SPAG16: variants seen among roughly 807,000 people sequenced by gnomAD.
SPAG16 encodes sperm-associated antigen 16 protein.
A neutral mutation model predicts 80.4 loss-of-function variants in SPAG16; 86 were observed. The observed-to-expected ratio is 1.07, with a 90% CI of 0.90 to 1.28. The LOEUF (loss-of-function observed/expected upper bound fraction) is 1.28. Among genes scored for constraint, SPAG16 ranks in the 50% most tolerant of loss-of-function variants. SPAG16 has a pLI of 0.00. For synonymous variants in SPAG16, 294 were observed against 265.9 expected (o/e 1.11, Z -1.03); for missense variants, 870 against 765.3 (o/e 1.14, Z -1.61).
At chr2:214,138,888 C>T (rs569005905) in intron 14 of SPAG16, among the ~76,000 whole-genome samples, 1 of 152,164 alleles carries the variant, frequency 6.6e-6, no homozygotes. Context: ...TCTATGAGGA[C>T]ACCAGCTACA....
chr2:213,810,740 G>A (rs564733127), intron 10 of SPAG16, among the ~76,000 whole-genome samples: 95 of 152,320 alleles, frequency 6.2e-4, no homozygotes, highest in African/African-American at 2.2e-3. Context: ...AAGTACTAGG[G>A]TGGGGAGCAG....
At chr2:214,115,247 C>T (rs2125433780) in intron 14 of SPAG16, among the ~76,000 whole-genome samples, 1 of 152,270 alleles carries the variant, frequency 6.6e-6, no homozygotes, top group Admixed American at 6.5e-5. Flanking sequence ...TGCAGGGACT[C>T]CCACAGGTCT....
rs568173371 is a variant in SPAG16 at position 213,299,591 on chromosome 2, T to C, written c.279+2234T>C. 1.2e-4 allele frequency among the ~76,000 whole-genome samples: 18 copies of C among 152,256 alleles called. No homozygotes were observed. In the East Asian group the frequency reaches 3.3e-3, roughly 28 times the overall value. On this transcript the variant is annotated intron_variant, in intron 3 of 15. Coordinates refer to ENST00000331683, the MANE Select transcript of SPAG16 (RefSeq NM_024532.5). ...CCACACTGGGCCAAGTTCTTATGAT[T>C]TCCTTTAAATGTGGGTAGTATAGAT...
In SPAG16 at chr2:214,138,071, C is replaced by T. The variant is rs150555971; in HGVS notation, c.1594-11069C>T. 2.9e-3 allele frequency among the ~76,000 whole-genome samples: 445 copies of T among 152,168 alleles called. 7 individuals carry two copies. The highest frequency in any genetic ancestry group is 0.01 in the African/African-American group (427 of 41,540). ...CTCTTTGGCTGGTCCAGGAACTGAA[C>T]TGATATAACAGATGAACAGGAGAAA... On this transcript the variant is annotated intron_variant, in intron 14 of 15. Coordinates refer to ENST00000331683, the MANE Select transcript of SPAG16 (RefSeq NM_024532.5).
intron 10 of SPAG16, among the ~76,000 whole-genome samples, chr2:213,494,006 A>T (rs2074378429): frequency 6.6e-6 from 1 of 152,080 alleles, no homozygotes; most frequent in African/African-American, 2.4e-5. Context: ...GTCCACCACC[A>T]GTCATCACTC....
At chr2:213,412,209 C>T (rs1222074606) in intron 9 of SPAG16, among the ~76,000 whole-genome samples, 1 of 152,174 alleles carries the variant, frequency 6.6e-6, no homozygotes, top group Non-Finnish European at 1.5e-5. Context: ...TCTGCCCTGA[C>T]TCCCAACAAA....
chr2:214,062,492 C>CA (rs2050321767), intron 13 of SPAG16, among the ~76,000 whole-genome samples: 1 of 150,606 alleles, frequency 6.6e-6, no homozygotes, highest in African/African-American at 2.4e-5. Context: ...ACCACATCCC[C>CA]AAACATGCAT....
In SPAG16 at chr2:213,439,744, T is replaced by C. The variant is rs186359050; in HGVS notation, c.943-50219T>C. On this transcript the variant is annotated intron_variant, in intron 9 of 15. Coordinates refer to ENST00000331683, the MANE Select transcript of SPAG16 (RefSeq NM_024532.5). ...AAGTTAGAAATGGCTATGAAAATTA[T>C]GACATTGGTTAAAGAAATTGTAGAT... Among the ~76,000 whole-genome samples the C allele has an allele frequency of 9.5e-4, 145 of 152,364 alleles. 1 individual carries two copies. The East Asian group carries it at 0.027, about 28-fold the overall frequency.
intron 10 of SPAG16, among the ~76,000 whole-genome samples, chr2:213,824,004 T>G (rs1176370002): frequency 1.3e-5 from 2 of 152,208 alleles, no homozygotes; most frequent in East Asian, 1.9e-4. Context: ...ATGTCCTGAA[T>G]GGTATTGCCT....
At chr2:213,328,898 T>C (rs1397369379) in intron 5 of SPAG16, among the ~76,000 whole-genome samples, 1 of 152,122 alleles carries the variant, frequency 6.6e-6, no homozygotes, top group East Asian at 1.9e-4. Context: ...AATTGAATCA[T>C]GGGGGCAGGT....
At chr2:213,857,425 C>A (rs1164178608) in intron 10 of SPAG16, among the ~76,000 whole-genome samples, 2 of 152,098 alleles carry the variant, frequency 1.3e-5, no homozygotes, top group Non-Finnish European at 2.9e-5. Flanking sequence ...ATCCTAGGAT[C>A]TTTAAGATTA....
At chr2:213,563,701 T>C (rs953473186) in intron 10 of SPAG16, among the ~76,000 whole-genome samples, 1 of 152,240 alleles carries the variant, frequency 6.6e-6, no homozygotes, top group Non-Finnish European at 1.5e-5. Flanking sequence ...AACATGTGAA[T>C]TTTGGAGGAA....
chr2:213,703,559 G>A (rs952479489), intron 10 of SPAG16, among the ~76,000 whole-genome samples: 1 of 152,138 alleles, frequency 6.6e-6, no homozygotes, highest in Non-Finnish European at 1.5e-5. Flanking sequence ...CATGCTCCTG[G>A]CTAGGAATCA....
chr2:214,030,890 G>A (rs2048373512), intron 13 of SPAG16, among the ~76,000 whole-genome samples: 1 of 152,222 alleles, frequency 6.6e-6, no homozygotes, highest in Non-Finnish European at 1.5e-5. Flanking sequence ...GGAAGTTAAT[G>A]TCCCTGGGGA....
chr2:213,961,763 T>C (rs1015953838), intron 12 of SPAG16, among the ~76,000 whole-genome samples: 9 of 152,170 alleles, frequency 5.9e-5, no homozygotes, highest in Admixed American at 1.3e-4. Context: ...ATTTTACATG[T>C]TGCTGGATTT....
At chr2:213,761,585 G>T (rs985824013) in intron 10 of SPAG16, among the ~76,000 whole-genome samples, 2 of 152,140 alleles carry the variant, frequency 1.3e-5, no homozygotes, top group African/African-American at 4.8e-5. Flanking sequence ...ATTCAGGCTG[G>T]GCACGGTGGC....
chr2:213,786,528 A>T (rs939048075), intron 10 of SPAG16, among the ~76,000 whole-genome samples: 2 of 152,190 alleles, frequency 1.3e-5, no homozygotes, highest in Non-Finnish European at 1.5e-5. Flanking sequence ...ACTTATAATT[A>T]TTTGCTATCA....
At chr2:213,733,879 C>A (rs752781041) in intron 10 of SPAG16, among the ~76,000 whole-genome samples, 1 of 152,134 alleles carries the variant, frequency 6.6e-6, no homozygotes, top group Non-Finnish European at 1.5e-5. Flanking sequence ...AACTTGCAAG[C>A]TCTTGGCATA....
rs575851013 is a variant in SPAG16, at chr2:214,186,767, G to GT, written c.1720+37511dup. The stretch of plus-strand genomic sequence containing the variant: ...CAAGTAGTTGTTTTTTTGTTTTTTT[G>GT]TTTTTTTTTTGAAATGGAGTCTCAC... On this transcript the variant is annotated intron_variant, in intron 15 of 15. Transcript: ENST00000331683. 1.1e-3 allele frequency among the ~76,000 whole-genome samples: 160 copies of GT among 147,712 alleles called. 1 individual carries two copies. Among genetic ancestry groups the GT allele is most frequent in the African/African-American group, 2.2e-3 (89 of 40,438 alleles).
Sources: gnomAD v4.1 joint callset for allele counts (sites outside exome capture counted in the v4.1 genomes callset) on GRCh38, gnomAD v4.1.1 for gene constraint, MANE v1.5 for transcripts, NCBI Gene and HGNC (gene_info 2026-07-23, HGNC 2026-07-21) for gene names.